The following PLXNA2 variants were observed in gnomAD, a reference collection of about 807,000 sequenced individuals.
PLXNA2 encodes plexin A2.
A neutral mutation model predicts 193.5 loss-of-function variants in PLXNA2; 91 were observed. The observed-to-expected ratio is 0.47, with a 90% CI of 0.40 to 0.56. The LOEUF is 0.56. PLXNA2 is among the 20% of genes least tolerant of loss of function. The probability of loss-of-function intolerance (pLI) is 0.00; values close to 1 mark genes in which losing one functional copy is unlikely to be tolerated. For missense variants in PLXNA2, 1,995 were observed against 2,503.2 expected (o/e 0.80, Z 4.33); for synonymous variants, 997 against 1,027.3 (o/e 0.97, Z 0.56).
chr1:208,081,057 C>A (rs1666322670), intron 11 of PLXNA2, among the ~76,000 whole-genome samples: 1 of 152,222 alleles, frequency 6.6e-6, no homozygotes, highest in Non-Finnish European at 1.5e-5. Flanking sequence ...GCTTCTTCAA[C>A]ATTGCAAGAG....
intron 1 of PLXNA2, among the ~76,000 whole-genome samples, chr1:208,242,003 T>G (rs1337111351): frequency 6.6e-6 from 1 of 152,162 alleles, no homozygotes; most frequent in Non-Finnish European, 1.5e-5. Context: ...GTTCAAATGG[T>G]GCTCCGTGAA....
chr1:208,201,625 C>G (rs754168417), intron 3 of PLXNA2, among the ~76,000 whole-genome samples: 7 of 152,084 alleles, frequency 4.6e-5, no homozygotes, highest in Non-Finnish European at 8.8e-5. Context: ...GGGGAAGCCT[C>G]AAAGATATCA....
chr1:208,216,901 T>C lies in PLXNA2; in HGVS notation c.1022A>G (p.Lys341Arg). ...QDDVLFAIFS[K>R]GQKQYHHPPD... is the part of the protein sequence containing the mutation. Reference sequence around the variant, plus strand: ...CGGGTGGTGATACTGCTTCTGCCCTTTGGAGAAGATGGCAAAGAGTACATC... The same window carrying C: ...CGGGTGGTGATACTGCTTCTGCCCTCTGGAGAAGATGGCAAAGAGTACATC... The change falls in exon 2 of 32, where the codon AAA (lysine) becomes AGA (arginine). Residue 341 changes from lysine to arginine, a missense_variant. By Grantham distance (26) the Lys-to-Arg change is conservative. Transcript: ENST00000367033. 2 of 1,614,204 alleles carry C rather than the reference T, an allele frequency of 1.2e-6. No homozygotes were observed. The highest frequency in any genetic ancestry group is 1.7e-6 in the Non-Finnish European group (2 of 1,180,042).
intron 1 of PLXNA2, 30 bp from the exon 2 acceptor site, chr1:208,218,032 C>A: frequency 6.5e-7 from 1 of 1,533,014 alleles, no homozygotes; most frequent in Non-Finnish European, 8.7e-7. Context: ...GTGGTCAGAC[C>A]AAAAATAATT....
chr1:208,063,569 TG>T (rs1665684309), intron 12 of PLXNA2, among the ~76,000 whole-genome samples: 1 of 152,300 alleles, frequency 6.6e-6, no homozygotes, highest in South Asian at 2.1e-4. Context: ...AGTGTCCTTG[TG>T]GGTCATTAAA....
In PLXNA2 at chr1:208,079,366, C is replaced by G; in HGVS notation, c.2480G>C (p.Ser827Thr). 6.2e-7 allele frequency: 1 copy of G among 1,612,488 alleles called. No individual in the cohort carries two copies. The highest frequency in any genetic ancestry group is 8.5e-7 in the Non-Finnish European group (1 of 1,179,546). The change falls in exon 12 of 32, where the codon AGC (serine) becomes ACC (threonine). Residue 827 changes from serine (S) to threonine (T), a missense_variant. Ser to Thr is a moderately conservative substitution (Grantham distance 58, BLOSUM62 1). Transcript: ENST00000367033. ...GTGGAGGGTGCACCTGCGCTCGCCG[C>G]TGCACCAGCCACACTCAAACTTCCG... is the stretch of plus-strand genomic sequence containing the variant. ...ADRKFECGWC[S>T]GERRCTLHQH...
intron 4 of PLXNA2, among the ~76,000 whole-genome samples, chr1:208,125,224 A>G (rs7553758): frequency 0.61 from 92,619 of 152,084 alleles, 28,494 homozygotes; most frequent in East Asian, 0.76. Flanking sequence ...GGTGAGGATA[A>G]CAGGAACTAA....
chr1:208,054,999 T>C (rs566784009), intron 13 of PLXNA2, among the ~76,000 whole-genome samples: 17 of 152,274 alleles, frequency 1.1e-4, no homozygotes, highest in African/African-American at 4.1e-4. Flanking sequence ...GCCGATTCAG[T>C]TGTGGTTTGC....
intron 10 of PLXNA2, 67 bp downstream of exon 10, chr1:208,084,313 C>T: frequency 6.5e-7 from 1 of 1,541,522 alleles, no homozygotes; most frequent in Non-Finnish European, 8.9e-7. Flanking sequence ...GCTGGCCATA[C>T]TGAGGCCCCA....
chr1:208,085,685 G>A (rs962645747), intron 9 of PLXNA2, among the ~76,000 whole-genome samples: 10 of 152,226 alleles, frequency 6.6e-5, no homozygotes, highest in Non-Finnish European at 1.3e-4. Flanking sequence ...TGTGGCTCGG[G>A]CTGTTGCCTC....
rs781531945 is a variant in PLXNA2 at position 208,033,497 on chromosome 1, C to T, written c.4877G>A (p.Arg1626Lys). The change falls in exon 28 of 32, where the codon AGG becomes AAG. Residue 1626 changes from arginine to lysine, a missense_variant. Coordinates refer to ENST00000367033, the MANE Select transcript of PLXNA2 (RefSeq NM_025179.4). The part of the protein sequence containing the change: ...TSISRYDSSF[R>K]YTGSPDSLRS... ...CAGGCTGTCGGGGCTGCCCGTATAC[C>T]TGAAGGAGGAGTCTGAGGAGAAGGG... The T allele has an allele frequency of 1.2e-6, 2 of 1,608,168 alleles. No individual in the cohort carries two copies.
intron 3 of PLXNA2, among the ~76,000 whole-genome samples, chr1:208,193,138 G>A (rs995131465): frequency 1.3e-5 from 2 of 152,186 alleles, no homozygotes; most frequent in African/African-American, 4.8e-5. Flanking sequence ...AGGGTCATAA[G>A]GTTTTGGCTG....
At chr1:208,182,855 AT>A (rs1669888181) in intron 3 of PLXNA2, among the ~76,000 whole-genome samples, 6 of 152,094 alleles carry the variant, frequency 3.9e-5, no homozygotes, top group Admixed American at 3.9e-4. Context: ...GACCCGGTGA[AT>A]TAATGCAGCT....
chr1:208,240,761 G>T (rs1232250689), intron 1 of PLXNA2, among the ~76,000 whole-genome samples: 1 of 122,408 alleles, frequency 8.2e-6, no homozygotes, highest in Admixed American at 9.6e-5. Context: ...TGATCAGAAT[G>T]GGGGTGGGGG....
rs1158179489 is a variant in PLXNA2, at chr1:208,087,021, CAG to C, written c.2098-2443_2098-2442del. Among the ~76,000 whole-genome samples, 22 of 146,542 alleles carry C rather than the reference CAG, an allele frequency of 1.5e-4. No homozygotes were observed. In the East Asian group the frequency reaches 4.4e-3, roughly 29 times the overall value. ...AGAGAGAGAGAGAGAGAGAGACAGA[CAG>C]ACAGACAGAGAGACAGAGAGAAAGA... is the stretch of plus-strand genomic sequence containing the variant. On this transcript the variant is annotated intron_variant, in intron 9 of 31. Transcript: ENST00000367033.
chr1:208,030,437 G>T, intron 29 of PLXNA2: 2 of 985,564 alleles, frequency 2.0e-6, no homozygotes, highest in Non-Finnish European at 2.4e-6. Flanking sequence ...AAAGCAAAGG[G>T]GACAGGCATG....
intron 4 of PLXNA2, among the ~76,000 whole-genome samples, chr1:208,138,034 G>A (rs918655389): frequency 6.6e-6 from 1 of 152,166 alleles, no homozygotes; most frequent in Non-Finnish European, 1.5e-5. Flanking sequence ...TTGTTTTAGA[G>A]CGAAATGATG....
intron 3 of PLXNA2, among the ~76,000 whole-genome samples, chr1:208,204,376 A>C (rs1329443836): frequency 4.6e-5 from 7 of 152,142 alleles, no homozygotes; most frequent in Admixed American, 3.3e-4. Context: ...CAACAGTGTA[A>C]ATGCTGTCCC....
chr1:208,220,075 G>C (rs892088015), intron 1 of PLXNA2, among the ~76,000 whole-genome samples: 1 of 152,158 alleles, frequency 6.6e-6, no homozygotes, highest in African/African-American at 2.4e-5. Context: ...AATCTCCTTG[G>C]GTTCCAGGTG....
Sources: allele counts gnomAD v4.1 joint callset (sites outside exome capture counted in the v4.1 genomes callset), GRCh38; gene constraint gnomAD v4.1.1; transcripts MANE v1.5; gene names NCBI Gene and HGNC (gene_info 2026-07-23, HGNC 2026-07-21).